Variants in R3HDM1 observed in about 807,000 individuals in gnomAD.
R3HDM1 encodes R3H domain-containing protein 1.
Under a neutral mutation model 141.1 loss-of-function variants are expected in R3HDM1, and 46 were observed. The ratio of observed to expected loss-of-function variants is 0.33; its 90% CI spans 0.26 to 0.42. R3HDM1 has a LOEUF of 0.42. Ranked by LOEUF, R3HDM1 falls within the 10% of genes least tolerant of loss-of-function variation. R3HDM1 has a pLI of 1.00. For synonymous variants in R3HDM1, 435 were observed against 472.9 expected (o/e 0.92, Z 1.04); for missense variants, 1,184 against 1,368.3 (o/e 0.87, Z 2.12).
intron 3 of R3HDM1, among the ~76,000 whole-genome samples, chr2:135,612,530 A>G (rs958515104): frequency 6.6e-6 from 1 of 152,192 alleles, no homozygotes; most frequent in African/African-American, 2.4e-5. Context: ...CTGACAACGT[A>G]TTAGTATCAA....
chr2:135,640,277 A>G (rs1412388465), intron 14 of R3HDM1, among the ~76,000 whole-genome samples: 1 of 152,182 alleles, frequency 6.6e-6, no homozygotes, highest in Admixed American at 6.5e-5. Flanking sequence ...AATGTATAAT[A>G]TGGTTGTATT....
At chr2:135,596,520 G>A (rs965829669) in intron 1 of R3HDM1, among the ~76,000 whole-genome samples, 6 of 151,810 alleles carry the variant, frequency 4.0e-5, no homozygotes, top group Non-Finnish European at 7.4e-5. Context: ...TCCCTTCTCC[G>A]TCTTACCCAA....
At chr2:135,545,485 A>G (rs565768235) in intron 1 of R3HDM1, among the ~76,000 whole-genome samples, 1 of 152,332 alleles carries the variant, frequency 6.6e-6, no homozygotes, top group South Asian at 2.1e-4. Context: ...ATGAAGGAAA[A>G]AGCCATGAGA....
At chr2:135,623,499 G>A (rs2061693422) in intron 7 of R3HDM1, among the ~76,000 whole-genome samples, 1 of 152,120 alleles carries the variant, frequency 6.6e-6, no homozygotes, top group Non-Finnish European at 1.5e-5. Context: ...TTTTATTCAG[G>A]ATGTATTGTA....
intron 26 of R3HDM1, 93 bp from the exon 27 acceptor site, chr2:135,723,844 T>G (rs1396118082): frequency 2.6e-6 from 2 of 765,330 alleles, no homozygotes; most frequent in Non-Finnish European, 4.3e-6. Context: ...ATTCGAATGG[T>G]CATTTCCCAT....
intron 1 of R3HDM1, among the ~76,000 whole-genome samples, chr2:135,574,999 A>G (rs1705055805): frequency 6.6e-6 from 1 of 152,182 alleles, no homozygotes; most frequent in African/African-American, 2.4e-5. Flanking sequence ...AGGCATAAGA[A>G]TGGGTAAAGA....
intron 21 of R3HDM1, among the ~76,000 whole-genome samples, chr2:135,687,869 AAAAT>A (rs2071622360): frequency 6.6e-6 from 1 of 152,240 alleles, no homozygotes. Flanking sequence ...TGAGAAATGA[AAAAT>A]AAATCACATT....
intron 21 of R3HDM1, among the ~76,000 whole-genome samples, chr2:135,684,732 A>G (rs1575004566): frequency 6.6e-6 from 1 of 151,864 alleles, no homozygotes; most frequent in East Asian, 1.9e-4. Flanking sequence ...TTTTAGTGAA[A>G]TACACATTCT....
intron 21 of R3HDM1, among the ~76,000 whole-genome samples, chr2:135,698,749 G>A (rs7592990): frequency 0.71 from 108,407 of 151,802 alleles, 42,126 homozygotes; most frequent in Non-Finnish European, 0.89. Context: ...AAGCAGGCAC[G>A]TCTTACATGG....
intron 19 of R3HDM1, among the ~76,000 whole-genome samples, chr2:135,663,138 A>G: frequency 9.9e-6 from 1 of 101,140 alleles, no homozygotes; most frequent in Non-Finnish European, 1.8e-5. Flanking sequence ...CTCTGCCAAA[A>G]AAAAAAAAAA....
chr2:135,715,294 C>A (rs1432284688), intron 23 of R3HDM1, among the ~76,000 whole-genome samples: 1 of 151,992 alleles, frequency 6.6e-6, no homozygotes, highest in Admixed American at 6.6e-5. Flanking sequence ...ATGGCGTGAA[C>A]CTGGGAGGCA....
chr2:135,662,452 C>T (rs1421003366), intron 19 of R3HDM1, among the ~76,000 whole-genome samples: 1 of 152,188 alleles, frequency 6.6e-6, no homozygotes, highest in Admixed American at 6.5e-5. Flanking sequence ...CTTAGCATAG[C>T]CATGCAGGAT....
chr2:135,642,711 G>A (rs950574644), intron 15 of R3HDM1, among the ~76,000 whole-genome samples: 4 of 152,124 alleles, frequency 2.6e-5, no homozygotes, highest in African/African-American at 9.7e-5. Flanking sequence ...ATACGGGTGG[G>A]AGTATAAGGT....
chr2:135,604,984 G>T lies in R3HDM1; in HGVS notation c.139G>T (p.Glu47Ter). ...NYGKILVEKN[E>*]HCIENNIDLQ... ...TGGGAAGATTTTGGTAGAGAAGAAT[G>T]AACATTGTATTGAGAACAATATAGA... The change falls in exon 3 of 27, where the codon GAA (glutamate) becomes TAA (stop). Residue 47 changes from glutamate (E) to a stop codon, truncating the protein, a stop_gained. Coordinates refer to ENST00000683871, the MANE Select transcript of R3HDM1 (RefSeq NM_001378107.1). LOFTEE classifies it high-confidence loss of function. The T allele has an allele frequency of 6.2e-7, 1 of 1,610,100 alleles. No homozygotes were observed. Among genetic ancestry groups the T allele is most frequent in the South Asian group, 1.1e-5 (1 of 90,794 alleles).
At position 135,537,347 on chromosome 2, in the gene R3HDM1, G is replaced by T. The variant is rs191162171; in HGVS notation, c.-250+5714G>T. Among the ~76,000 whole-genome samples, 30 of 139,128 alleles carry T rather than the reference G, an allele frequency of 2.2e-4. No homozygotes were observed. The East Asian group carries it at 6.4e-3, about 30-fold the overall frequency. The allele number at this position is 139,128 out of a possible 152,430, so 91.3% of individuals were successfully genotyped here. On this transcript the variant is annotated intron_variant, in intron 1 of 26. Coordinates refer to ENST00000683871, the MANE Select transcript of R3HDM1 (RefSeq NM_001378107.1). ...GTCACCCAGGCTGGAGTGCAGTGGC[G>T]CAATCTCGGCCTACTGCAACCTCCA...
At chr2:135,710,473 T>G (rs1224309528) in intron 23 of R3HDM1, among the ~76,000 whole-genome samples, 1 of 152,060 alleles carries the variant, frequency 6.6e-6, no homozygotes, top group Non-Finnish European at 1.5e-5. Context: ...CAAAATCAGC[T>G]GGGTGTAGTG....
At chr2:135,714,764 TACACACAC>T (rs144894901) in intron 23 of R3HDM1, among the ~76,000 whole-genome samples, 19 of 146,856 alleles carry the variant, frequency 1.3e-4, no homozygotes, top group South Asian at 6.5e-4. Flanking sequence ...TATGGGTGTA[TACACACAC>T]ACACACACAC....
intron 1 of R3HDM1, among the ~76,000 whole-genome samples, chr2:135,561,811 C>T (rs182406374): frequency 8.5e-4 from 129 of 151,958 alleles, no homozygotes; most frequent in Non-Finnish European, 9.0e-4. Flanking sequence ...ACTACACAAG[C>T]GGTAAGAAGA....
intron 9 of R3HDM1, among the ~76,000 whole-genome samples, chr2:135,635,287 G>A (rs2063148079): frequency 6.6e-6 from 1 of 152,122 alleles, no homozygotes. Context: ...ATAAGATACG[G>A]CACTGCACTT....
Sources: allele counts gnomAD v4.1 joint callset (sites outside exome capture counted in the v4.1 genomes callset), GRCh38; gene constraint gnomAD v4.1.1; transcripts MANE v1.5; gene names NCBI Gene and HGNC (gene_info 2026-07-23, HGNC 2026-07-21).